The following NRG4 variants were observed in gnomAD, a reference collection of about 807,000 sequenced individuals.
The protein encoded by NRG4 is neuregulin 4, also known as pro-neuregulin-4, membrane-bound isoform.
NRG4 carries 10 observed loss-of-function variants against 15.0 expected under a neutral mutation model. The ratio of observed to expected loss-of-function variants is 0.67; its 90% CI spans 0.41 to 1.13. The LOEUF is 1.13. Ranked by LOEUF, NRG4 falls within the 50% of genes most tolerant of loss-of-function variation. The probability of loss-of-function intolerance (pLI) is 0.00; values close to 1 mark genes in which losing one functional copy is unlikely to be tolerated. For synonymous variants in NRG4, 41 were observed against 50.1 expected (o/e 0.82, Z 0.77); for missense variants, 139 against 140.2 (o/e 0.99, Z 0.04).
chr15:75,970,963 C>T (rs953999767), intron 3 of NRG4, among the ~76,000 whole-genome samples: 1 of 152,208 alleles, frequency 6.6e-6, no homozygotes, highest in African/African-American at 2.4e-5. Flanking sequence ...ACCAGGTGTC[C>T]TGTCAAATGC....
At chr15:75,956,219 C>A (rs1337700234) in intron 4 of NRG4, among the ~76,000 whole-genome samples, 1 of 152,140 alleles carries the variant, frequency 6.6e-6, no homozygotes, top group Non-Finnish European at 1.5e-5. Flanking sequence ...AACTGTTCCC[C>A]ATTATTTAAC....
At chr15:76,023,130 C>CCACACACACACACACA in intron 5 of NRG4, among the ~76,000 whole-genome samples, 1 of 120,102 alleles carries the variant, frequency 8.3e-6, no homozygotes, top group Non-Finnish European at 1.8e-5. Context: ...CACCCATACT[C>CCACACACACACACACA]CACACACACA....
intron 4 of NRG4, among the ~76,000 whole-genome samples, chr15:76,049,538 CTG>C (rs145163394): frequency 0.016 from 2,350 of 151,066 alleles, 203 homozygotes; most frequent in African/African-American, 0.055. Context: ...ACTGGAAAGT[CTG>C]TTTCTTTGAG....
intron 5 of NRG4, among the ~76,000 whole-genome samples, chr15:76,022,577 A>G (rs780755015): frequency 2.6e-5 from 4 of 152,188 alleles, no homozygotes; most frequent in Non-Finnish European, 5.9e-5. Context: ...GGTATAAAAG[A>G]AGGAAGATCT....
intron 5 of NRG4, among the ~76,000 whole-genome samples, chr15:76,019,689 T>A (rs937653487): frequency 7.2e-5 from 11 of 152,004 alleles, no homozygotes; most frequent in Admixed American, 5.9e-4. Context: ...GTCTAACCCA[T>A]CCCAATGAGA....
chr15:76,059,116 G>C (rs1207683450), intron 1 of NRG4, among the ~76,000 whole-genome samples: 3 of 152,124 alleles, frequency 2.0e-5, no homozygotes. Context: ...GTGTATCTGC[G>C]GTACTGGGAT....
At chr15:76,056,360 A>G (rs1012436588) in intron 2 of NRG4, among the ~76,000 whole-genome samples, 4 of 152,184 alleles carry the variant, frequency 2.6e-5, no homozygotes, top group African/African-American at 9.6e-5. Flanking sequence ...AGGGAGGCTG[A>G]GGCAGGAGAA....
intron 4 of NRG4, among the ~76,000 whole-genome samples, chr15:76,041,798 T>A (rs894018644): frequency 6.6e-6 from 1 of 152,068 alleles, no homozygotes; most frequent in South Asian, 2.1e-4. Context: ...CAAAGAAACA[T>A]CAGACTTAAT....
At chr15:75,985,029 G>A (rs2141858742) in intron 3 of NRG4, among the ~76,000 whole-genome samples, 1 of 152,182 alleles carries the variant, frequency 6.6e-6, no homozygotes, top group African/African-American at 2.4e-5. Context: ...ATTTTTAGTA[G>A]AGACTAGGTT....
chr15:76,049,011 T>G (rs981893106), intron 4 of NRG4, among the ~76,000 whole-genome samples: 1 of 150,132 alleles, frequency 6.7e-6, no homozygotes, highest in Non-Finnish European at 1.5e-5. Flanking sequence ...GCCACTGTAC[T>G]CCAGCCTGGG....
chr15:76,020,214 G>C (rs946323728), intron 5 of NRG4, among the ~76,000 whole-genome samples: 1 of 152,066 alleles, frequency 6.6e-6, no homozygotes, highest in Admixed American at 6.6e-5. Context: ...TCTATTCCCT[G>C]AGACACAACA....
At chr15:76,014,205 G>A (rs62027609), upstream of NRG4, among the ~76,000 whole-genome samples, 5,571 of 151,994 alleles carry the variant, frequency 0.037, 134 homozygotes, top group Middle Eastern at 0.068. Context: ...TTTTTTTCTT[G>A]TAAATTTGTT....
intron 3 of NRG4, among the ~76,000 whole-genome samples, chr15:75,978,244 TA>T: frequency 6.6e-6 from 1 of 152,328 alleles, no homozygotes; most frequent in South Asian, 2.1e-4. Flanking sequence ...TTCAACTCTC[TA>T]CCTCCCTGAG....
chr15:75,952,592 GTTTTTT>G lies in NRG4; in HGVS notation c.331+3334_331+3339del, dbSNP rs534824735. Among the ~76,000 whole-genome samples the G allele has an allele frequency of 4.1e-3, 580 of 142,942 alleles. 4 individuals carry two copies. The highest frequency in any genetic ancestry group is 0.015 in the African/African-American group (569 of 39,146). The allele number at this position is 142,942 out of a possible 152,430, so 93.8% of individuals were successfully genotyped here. A position where few individuals can be genotyped will look rare whatever the true frequency, so the allele number is the denominator to read the frequency against. On this transcript the variant is annotated intron_variant, in intron 5 of 5. Transcript: ENST00000394907. Reference sequence around the variant, plus strand: ...TTTCTTTTTTTTCGCCCTCCTCAAAGTTTTTTTTTTTTTAAGAGATGGGGTCTTGCT... The same window carrying G: ...TTTCTTTTTTTTCGCCCTCCTCAAAGTTTTTTTAAGAGATGGGGTCTTGCT...
At chr15:75,962,546 A>G (rs1421144957) in intron 3 of NRG4, among the ~76,000 whole-genome samples, 3 of 152,228 alleles carry the variant, frequency 2.0e-5, no homozygotes, top group Non-Finnish European at 2.9e-5. Flanking sequence ...ATATTTGAAT[A>G]TCTGGTAGTT....
chr15:76,027,690 T>C (rs2035352416), intron 5 of NRG4, among the ~76,000 whole-genome samples: 2 of 152,112 alleles, frequency 1.3e-5, no homozygotes, highest in Non-Finnish European at 2.9e-5. Flanking sequence ...CACCATAGGC[T>C]AAACGGACAT....
intron 5 of NRG4, among the ~76,000 whole-genome samples, chr15:76,032,232 C>G (rs534552401): frequency 2.0e-5 from 3 of 152,082 alleles, no homozygotes; most frequent in Admixed American, 2.0e-4. Context: ...TAAGAATCAC[C>G]TTAGATGCTG....
At chr15:75,975,849 AG>A (rs2033342122) in intron 3 of NRG4, among the ~76,000 whole-genome samples, 1 of 151,876 alleles carries the variant, frequency 6.6e-6, no homozygotes, top group South Asian at 2.1e-4. Flanking sequence ...GCTCTTCTTG[AG>A]GAGTATCTTG....
rs181366245 is a variant in NRG4 at position 75,966,798 on chromosome 15, A to G, written c.105-4824T>C. ...AAAAATGAAACTATTAGAAATGTTC[A>G]AGAAAACAACATGGGCTTGGATCCC... is the stretch of plus-strand genomic sequence containing the variant. On this transcript the variant is annotated intron_variant, in intron 3 of 5. Transcript: ENST00000394907. Among the ~76,000 whole-genome samples, 5 of 152,276 alleles carry G rather than the reference A, an allele frequency of 3.3e-5. No homozygotes were observed. The East Asian group carries it at 7.7e-4, about 23-fold the overall frequency.
Sources: allele counts gnomAD v4.1 joint callset (sites outside exome capture counted in the v4.1 genomes callset), GRCh38; gene constraint gnomAD v4.1.1; transcripts MANE v1.5; gene names NCBI Gene and HGNC (gene_info 2026-07-23, HGNC 2026-07-21).